GSE1: variants seen among roughly 807,000 people sequenced by gnomAD.
GSE1 encodes Gse1 coiled-coil protein, also known as genetic suppressor element 1.
In GSE1, 32 loss-of-function variants were observed where a neutral mutation model predicts 112.6. The observed-to-expected ratio is 0.28, with a 90% CI of 0.21 to 0.38. The LOEUF (loss-of-function observed/expected upper bound fraction) is 0.38, where lower values mean the gene tolerates loss of function less well. GSE1 is among the 10% of genes least tolerant of loss of function. The pLI is 1.00. For synonymous variants in GSE1, 1,115 were observed against 735.6 expected (o/e 1.52, Z -8.35); for missense variants, 2,348 against 1,699.2 (o/e 1.38, Z -6.71).
chr16:85,654,784 C>T lies in GSE1; in HGVS notation c.600-10C>T, dbSNP rs777389424. On this transcript the variant is annotated splice_polypyrimidine_tract_variant and intron_variant, in intron 4 of 15. Transcript: ENST00000253458. ...CCTGTCCCCACCTTGCCCACTATCC[C>T]CGCCTGCAGCCTCCAGCGGCCCGTG... 1 of 1,600,164 alleles carries T rather than the reference C, an allele frequency of 6.2e-7. No individual in the cohort carries two copies. The highest frequency in any genetic ancestry group is 1.1e-5 in the South Asian group (1 of 90,100).
chr16:85,628,848 G>C (rs528646806), intron 1 of GSE1, among the ~76,000 whole-genome samples: 4 of 152,180 alleles, frequency 2.6e-5, no homozygotes, highest in Non-Finnish European at 5.9e-5. Flanking sequence ...GTCTGGTCTG[G>C]GACTCGCGCC....
At chr16:85,197,625 A>T (rs988683484) in intron 1 of GSE1, among the ~76,000 whole-genome samples, 1 of 152,186 alleles carries the variant, frequency 6.6e-6, no homozygotes, top group African/African-American at 2.4e-5. Context: ...CTCTCTGCAG[A>T]CTAAAGTCAA....
chr16:85,490,433 C>T (rs1215804055), intron 2 of GSE1: 5 of 152,272 alleles, frequency 3.3e-5, no homozygotes, highest in Non-Finnish European at 7.3e-5. Flanking sequence ...CCCATTCCTG[C>T]ACCCCCTTCA....
intron 1 of GSE1, among the ~76,000 whole-genome samples, chr16:85,566,777 C>T (rs534179744): frequency 2.0e-5 from 3 of 152,312 alleles, no homozygotes; most frequent in African/African-American, 7.2e-5. Context: ...CTGTGTCAAC[C>T]GTTTGCTGGT....
intron 1 of GSE1, among the ~76,000 whole-genome samples, chr16:85,316,662 C>T (rs1421447645): frequency 6.6e-6 from 1 of 152,214 alleles, no homozygotes; most frequent in Admixed American, 6.5e-5. Context: ...CAGCAGACGT[C>T]CTCACTGGGG....
chr16:85,542,750 C>T (rs145975981), intron 2 of GSE1, among the ~76,000 whole-genome samples: 205 of 152,310 alleles, frequency 1.3e-3, no homozygotes, highest in African/African-American at 4.5e-3. Flanking sequence ...TTGTGGGTGG[C>T]CCTGCTGGCC....
intron 2 of GSE1, among the ~76,000 whole-genome samples, chr16:85,431,397 C>T (rs1050971719): frequency 6.6e-6 from 1 of 152,240 alleles, no homozygotes; most frequent in Non-Finnish European, 1.5e-5. Flanking sequence ...TCTGTCAAAT[C>T]TGATTTTTAA....
intron 13 of GSE1, 117 bp from the exon 14 acceptor site, chr16:85,668,023 C>T: frequency 1.3e-6 from 1 of 759,734 alleles, no homozygotes; most frequent in Non-Finnish European, 2.2e-6. Flanking sequence ...CATCTTGGTC[C>T]CCGGAGCCCT....
At chr16:85,635,748 C>T (rs1462897826) in intron 2 of GSE1, among the ~76,000 whole-genome samples, 5 of 152,204 alleles carry the variant, frequency 3.3e-5, no homozygotes, top group Non-Finnish European at 7.4e-5. Flanking sequence ...CTGGGTTATC[C>T]TTGCATCCTG....
chr16:85,355,835 A>C (rs970284703), intron 1 of GSE1, among the ~76,000 whole-genome samples: 1 of 152,162 alleles, frequency 6.6e-6, no homozygotes, highest in African/African-American at 2.4e-5. Context: ...AGTCTGGCCA[A>C]CATAGTGAAA....
intron 1 of GSE1, among the ~76,000 whole-genome samples, chr16:85,342,466 G>GTCACGCTCATCTGCGGTGGC: frequency 6.6e-6 from 1 of 152,244 alleles, no homozygotes; most frequent in Middle Eastern, 3.4e-3. Context: ...CAGTCATTGT[G>GTCACGCTCATCTGCGGTGGC]TCACGCTCAT....
At chr16:85,650,731 G>A (rs867890779) in intron 3 of GSE1, among the ~76,000 whole-genome samples, 84 of 152,140 alleles carry the variant, frequency 5.5e-4, no homozygotes, top group African/African-American at 1.9e-3. Flanking sequence ...CTCCTCGCTC[G>A]GGCACAGAGG....
chr16:85,389,639 G>T (rs2047791179), intron 2 of GSE1, among the ~76,000 whole-genome samples: 1 of 152,164 alleles, frequency 6.6e-6, no homozygotes, highest in African/African-American at 2.4e-5. Context: ...CACTGTCCTA[G>T]AAAGCCTCAA....
rs145423807 is a variant in GSE1 at position 85,352,414 on chromosome 16, C to T, written c.2284-5049C>T. On this transcript the variant is annotated intron_variant, in intron 1 of 2. Transcript: ENST00000637419. The stretch of plus-strand genomic sequence containing the variant: ...CATTTTCCCAGCCTGGCCAGTCCTC[C>T]GAGGCCCAGTCTGCTTGAGCCCCTT... Among the ~76,000 whole-genome samples the T allele has an allele frequency of 1.1e-3, 172 of 152,240 alleles. 1 individual carries two copies. Among genetic ancestry groups the T allele is most frequent in the African/African-American group, 3.4e-3 (143 of 41,546 alleles).
intron 1 of GSE1, among the ~76,000 whole-genome samples, chr16:85,210,997 C>T (rs1036902293): frequency 2.0e-5 from 3 of 152,242 alleles, no homozygotes; most frequent in Non-Finnish European, 4.4e-5. Context: ...CTCCTTTTCA[C>T]AGGTGAGGAC....
At chr16:85,421,389 C>A (rs541048926) in intron 2 of GSE1, among the ~76,000 whole-genome samples, 15 of 152,252 alleles carry the variant, frequency 9.9e-5, no homozygotes, top group Admixed American at 8.5e-4. Flanking sequence ...CCGGGAGATG[C>A]ACCCCAGAAA....
intron 2 of GSE1, 84 bp from the exon 3 acceptor site, chr16:85,648,468 G>T (rs1014402186): frequency 1.5e-6 from 1 of 686,358 alleles, no homozygotes; most frequent in Non-Finnish European, 2.5e-6. Context: ...GAGCAGGGGG[G>T]CAGCTGGAGC....
Position 85,656,621 on chromosome 16 carries a change from A to AGGAGCGGGGCAAGCCCTC in GSE1, c.1274_1291dup (p.Arg425_Glu430dup), listed in dbSNP as rs2051979267. Reference sequence around the variant, plus strand: ...CATGGGCTGCGTGGCCATGCCACTGAGGAGCGGGGCAAGCCCTCGGAGCAG... The same window carrying AGGAGCGGGGCAAGCCCTC: ...CATGGGCTGCGTGGCCATGCCACTGAGGAGCGGGGCAAGCCCTCGGAGCGGGGCAAGCCCTCGGAGCAG... On this transcript the variant is annotated inframe_insertion, in exon 7 of 16. Transcript: ENST00000253458. 2 of 1,543,222 alleles carry AGGAGCGGGGCAAGCCCTC rather than the reference A, an allele frequency of 1.3e-6. No individual in the cohort carries two copies. Among genetic ancestry groups the AGGAGCGGGGCAAGCCCTC allele is most frequent in the African/African-American group, 1.4e-5 (1 of 72,786 alleles).
rs1408231487 is a variant in GSE1 at position 85,655,078 on chromosome 16, C to G, written c.797+87C>G. The G allele has an allele frequency of 3.4e-6, 3 of 877,018 alleles. No individual in the cohort carries two copies. The Admixed American group carries it at 6.0e-5, about 18-fold the overall frequency. The allele number at this position is 877,018 out of a possible 1,614,324, so 54.3% of individuals were successfully genotyped here. A position where few individuals can be genotyped will look rare whatever the true frequency, so the allele number is the denominator to read the frequency against. ...CTGGCGGGGAAGGTGTTTCTTATGA[C>G]CTGAGAGCCAGGCTCCTAGGGGAGG... On this transcript the variant is annotated intron_variant, in intron 5 of 15. Coordinates refer to ENST00000253458, the MANE Select transcript of GSE1 (RefSeq NM_014615.5).
Sources: gnomAD v4.1 joint callset for allele counts (sites outside exome capture counted in the v4.1 genomes callset) on GRCh38, gnomAD v4.1.1 for gene constraint, MANE v1.5 for transcripts, NCBI Gene and HGNC (gene_info 2026-07-23, HGNC 2026-07-21) for gene names.